Variants in EIF4G3 observed in about 807,000 individuals in gnomAD.
The protein encoded by EIF4G3 is eIF-4-gamma 3.
A neutral mutation model predicts 186.4 loss-of-function variants in EIF4G3; 34 were observed. The ratio of observed to expected loss-of-function variants is 0.18; its 90% confidence interval spans 0.14 to 0.24. The LOEUF is 0.24. Among genes scored for constraint, EIF4G3 ranks in the 10% least tolerant of loss-of-function variants. The pLI is 1.00. For missense variants in EIF4G3, 1,536 were observed against 1,948.5 expected (o/e 0.79, Z 3.99); for synonymous variants, 673 against 679.5 (o/e 0.99, Z 0.15).
At chr1:20,953,560 C>G (rs1201935869) in intron 12 of EIF4G3, among the ~76,000 whole-genome samples, 1 of 152,160 alleles carries the variant, frequency 6.6e-6, no homozygotes, top group African/African-American at 2.4e-5. Context: ...AAACAGGCAA[C>G]AGAATCTAAA....
chr1:20,845,831 T>C (rs2070798758), intron 29 of EIF4G3, among the ~76,000 whole-genome samples: 1 of 152,158 alleles, frequency 6.6e-6, no homozygotes, highest in Non-Finnish European at 1.5e-5. Context: ...TTTTTCTAGT[T>C]CTTTGTAGAA....
chr1:20,992,517 T>A (rs2081341531), intron 7 of EIF4G3, among the ~76,000 whole-genome samples: 1 of 152,166 alleles, frequency 6.6e-6, no homozygotes, highest in Non-Finnish European at 1.5e-5. Context: ...AAGTAAGACA[T>A]TTCTTTATGG....
At chr1:21,175,898 A>T (rs2103123131) in intron 2 of EIF4G3, 1 of 178,260 alleles carries the variant, frequency 5.6e-6, no homozygotes. Flanking sequence ...TTAGGGGAGG[A>T]GGGGAGAAGG....
chr1:20,887,219 A>ATT (rs11304302), intron 18 of EIF4G3, among the ~76,000 whole-genome samples: 1 of 148,338 alleles, frequency 6.7e-6, no homozygotes, highest in African/African-American at 2.5e-5. Flanking sequence ...CTGCCACCAG[A>ATT]TTTTTTTTTT....
At chr1:21,125,198 T>A (rs546985942) in intron 2 of EIF4G3, among the ~76,000 whole-genome samples, 2 of 152,272 alleles carry the variant, frequency 1.3e-5, no homozygotes, top group East Asian at 3.9e-4. Flanking sequence ...GGGTTCTACG[T>A]ATGCAGCATA....
intron 7 of EIF4G3, among the ~76,000 whole-genome samples, chr1:20,994,011 C>T (rs2081688490): frequency 6.6e-6 from 1 of 152,100 alleles, no homozygotes; most frequent in Non-Finnish European, 1.5e-5. Flanking sequence ...ATTCAGTAAG[C>T]GATTCTCAAA....
chr1:20,912,412 A>G (rs542470574), intron 14 of EIF4G3, among the ~76,000 whole-genome samples: 4 of 134,418 alleles, frequency 3.0e-5, no homozygotes, highest in African/African-American at 1.0e-4. Context: ...GCTAAGTAAG[A>G]GACTCTGAAT....
rs767900508 is a variant in EIF4G3, at chr1:20,825,215, T to G, written c.4270-17A>C. ...CTTATGGCTCTAAAATAGAGATAAA[T>G]CCAATCCATTTACTTTCACAGTGGA... is the stretch of plus-strand genomic sequence containing the variant. On this transcript the variant is annotated splice_polypyrimidine_tract_variant and intron_variant, in intron 32 of 36. Transcript: ENST00000602326. The G allele has an allele frequency of 1.8e-6, 2 of 1,136,746 alleles. No homozygotes were observed. The highest frequency in any genetic ancestry group is 2.5e-6 in the Non-Finnish European group (2 of 811,186). The allele number at this position is 1,136,746 out of a possible 1,614,324, so 70.4% of individuals were successfully genotyped here.
intron 14 of EIF4G3, among the ~76,000 whole-genome samples, chr1:20,930,009 C>T (rs950272637): frequency 2.0e-5 from 3 of 152,030 alleles, no homozygotes; most frequent in Non-Finnish European, 4.4e-5. Context: ...TTTCCCAGTG[C>T]GTATAAAAGT....
chr1:20,840,352 A>G lies in EIF4G3; in HGVS notation c.4061+504T>C, dbSNP rs150998475. ...AAGAATCATAATGAAACCAACCTGA[A>G]ATAGACTAAATCATTAAGAACACCA... is the stretch of plus-strand genomic sequence containing the variant. On this transcript the variant is annotated intron_variant, in intron 30 of 36. Transcript: ENST00000602326. 2.0e-5 allele frequency among the ~76,000 whole-genome samples: 3 copies of G among 152,332 alleles called. No individual in the cohort carries two copies. The East Asian group carries it at 5.8e-4, about 29-fold the overall frequency.
At chr1:20,845,479 C>T (rs577150432) in intron 29 of EIF4G3, among the ~76,000 whole-genome samples, 1 of 152,018 alleles carries the variant, frequency 6.6e-6, no homozygotes, top group African/African-American at 2.4e-5. Context: ...TGGCTAACAC[C>T]GTGAAACCCC....
intron 18 of EIF4G3, among the ~76,000 whole-genome samples, chr1:20,891,057 T>C (rs2085855091): frequency 6.6e-6 from 1 of 152,180 alleles, no homozygotes; most frequent in African/African-American, 2.4e-5. Flanking sequence ...CTAGTCACAT[T>C]ACTTTGAGTG....
At chr1:20,936,077 G>A (rs914437453) in intron 14 of EIF4G3, among the ~76,000 whole-genome samples, 2 of 152,172 alleles carry the variant, frequency 1.3e-5, no homozygotes, top group African/African-American at 4.8e-5. Context: ...CACATAAAGA[G>A]GCAAGGAAGA....
At chr1:21,003,776 A>G in intron 4 of EIF4G3, 1 of 446,914 alleles carries the variant, frequency 2.2e-6, no homozygotes, top group South Asian at 1.7e-5. Context: ...CTCTCTGATC[A>G]TCAATGATTT....
rs1464234136 is a variant in EIF4G3 at position 20,807,512 on chromosome 1, T to C, written c.4745-12A>G. On this transcript the variant is annotated splice_polypyrimidine_tract_variant and intron_variant, in intron 36 of 36. Coordinates refer to ENST00000602326, the MANE Select transcript of EIF4G3 (RefSeq NM_001391906.1). Reference sequence around the variant, plus strand: ...CATCCGCAGCAAATCTGCAAGGAGGTGAAAATAAACTATAAGCTTTGGGAC... The same window carrying C: ...CATCCGCAGCAAATCTGCAAGGAGGCGAAAATAAACTATAAGCTTTGGGAC... The C allele has an allele frequency of 1.3e-6, 2 of 1,573,636 alleles. No individual in the cohort carries two copies. Among genetic ancestry groups the C allele is most frequent in the Non-Finnish European group, 8.7e-7 (1 of 1,152,970 alleles).
intron 12 of EIF4G3, among the ~76,000 whole-genome samples, chr1:20,951,962 T>C (rs1360242354): frequency 6.6e-6 from 1 of 152,166 alleles, no homozygotes; most frequent in Non-Finnish European, 1.5e-5. Context: ...GATAATATGT[T>C]TGTTAAGTTA....
intron 30 of EIF4G3, among the ~76,000 whole-genome samples, chr1:20,834,575 A>C (rs1446227394): frequency 2.6e-5 from 4 of 152,220 alleles, no homozygotes. Flanking sequence ...AAATCAAAAG[A>C]GGGCAGGGGT....
rs1467441618 is a variant in EIF4G3, at chr1:21,084,114, C to G, written c.-196+5024G>C. Among the ~76,000 whole-genome samples, 7 of 152,164 alleles carry G rather than the reference C, an allele frequency of 4.6e-5. No individual in the cohort carries two copies. In the East Asian group the frequency reaches 1.4e-3, roughly 29 times the overall value. ...TAAATTCACACCTACTCCTCTTAAT[C>G]CTCCACTGGCTTTCTATTATATCTA... On this transcript the variant is annotated intron_variant, in intron 3 of 36. Coordinates refer to ENST00000602326, the MANE Select transcript of EIF4G3 (RefSeq NM_001391906.1).
chr1:20,820,983 T>C (rs1471311152), intron 33 of EIF4G3, among the ~76,000 whole-genome samples: 1 of 152,068 alleles, frequency 6.6e-6, no homozygotes, highest in Admixed American at 6.6e-5. Context: ...TCTGAGCTGT[T>C]CTAACACTAA....
Sources: gnomAD v4.1 joint callset for allele counts (sites outside exome capture counted in the v4.1 genomes callset) on GRCh38, gnomAD v4.1.1 for gene constraint, MANE v1.5 for transcripts, NCBI Gene and HGNC (gene_info 2026-07-23, HGNC 2026-07-21) for gene names.